The following DNAJA4 variants were observed in gnomAD, a reference collection of about 807,000 sequenced individuals.
DNAJA4 encodes dnaJ homolog subfamily A member 4.
In DNAJA4, 32 loss-of-function variants were observed where a neutral mutation model predicts 39.7. The observed-to-expected ratio is 0.81, with a 90% CI of 0.61 to 1.08. The LOEUF (loss-of-function observed/expected upper bound fraction) is 1.08, where lower values mean the gene tolerates loss of function less well. DNAJA4 is among the 50% of genes least tolerant of loss of function. The pLI is 0.00. For missense variants in DNAJA4, 439 were observed against 505.1 expected, an observed-to-expected ratio of 0.87 and a Z score of 1.25; for synonymous variants, 184 against 182.4, an observed-to-expected ratio of 1.01 and a Z score of -0.07.
In DNAJA4 at chr15:78,265,042, G is replaced by A. The variant is rs2141422051; in HGVS notation, c.132+147G>A. ...CGGGGCCAGGCCGGGCAGAGGTGGCGGGAGACCCTGGGCGCCGTGCGGCGC... is the reference window on the plus strand; with the variant it reads ...CGGGGCCAGGCCGGGCAGAGGTGGCAGGAGACCCTGGGCGCCGTGCGGCGC... On this transcript the variant is annotated intron_variant, in intron 1 of 6. Coordinates refer to ENST00000394852, the MANE Select transcript of DNAJA4 (RefSeq NM_001130182.2). The A allele has an allele frequency of 6.9e-6, 7 of 1,020,868 alleles. 1 individual carries two copies. The South Asian group carries it at 1.2e-4, about 18-fold the overall frequency. The allele number at this position is 1,020,868 out of a possible 1,614,324, so 63.2% of individuals were successfully genotyped here. A position where few individuals can be genotyped will look rare whatever the true frequency, so the allele number is the denominator to read the frequency against.
At position 78,279,952 on chromosome 15, in the gene DNAJA4, C is replaced by T; in HGVS notation, c.878-93C>T. ...GTTTCCTTTGCCCACTGCCACGGGG[C>T]ACTAGGGCCTGCCGCAGGCTCTCCC... On this transcript the variant is annotated intron_variant, in intron 5 of 6. Transcript: ENST00000394852. This position sits in a 1 kb window ranked among gnomAD's most constrained non-coding sequence, Gnocchi z 4.5. The T allele has an allele frequency of 1.6e-6, 2 of 1,215,642 alleles. No individual in the cohort carries two copies. Among genetic ancestry groups the T allele is most frequent in the Non-Finnish European group, 2.4e-6 (2 of 843,354 alleles). The allele number at this position is 1,215,642 out of a possible 1,614,324, so 75.3% of individuals were successfully genotyped here.
intron 5 of DNAJA4, chr15:78,278,308 G>A (rs779372893): frequency 2.2e-6 from 1 of 455,660 alleles, no homozygotes; most frequent in South Asian, 1.5e-5. Flanking sequence ...ACACCTGATA[G>A]GAATGGGGAG....
intron 1 of DNAJA4, among the ~76,000 whole-genome samples, chr15:78,266,995 T>A (rs2049139355): frequency 6.6e-6 from 1 of 152,152 alleles, no homozygotes; most frequent in Non-Finnish European, 1.5e-5. Flanking sequence ...ATGAGGAGAC[T>A]GGGGACACAA....
chr15:78,275,798 G>C, intron 5 of DNAJA4, 70 bp downstream of exon 5: 2 of 1,096,530 alleles, frequency 1.8e-6, no homozygotes, highest in Non-Finnish European at 2.6e-6. Flanking sequence ...AAGTTAGCCT[G>C]ATTTTTTTAT....
rs562490922 is a variant in DNAJA4 at position 78,268,929 on chromosome 15, T to G, written c.133-1568T>G. Among the ~76,000 whole-genome samples, 5 of 152,316 alleles carry G rather than the reference T, an allele frequency of 3.3e-5. No individual in the cohort carries two copies. The South Asian group carries it at 1.0e-3, about 32-fold the overall frequency. On this transcript the variant is annotated intron_variant, in intron 1 of 6. Coordinates refer to ENST00000394852, the MANE Select transcript of DNAJA4 (RefSeq NM_001130182.2). ...GGGCTGGGAGGGTCTGAGGTGGGTT[T>G]GCAGTGTTAAAGCTGGATCACCAGG...
chr15:78,276,845 G>A (rs1458319864), intron 5 of DNAJA4, among the ~76,000 whole-genome samples: 3 of 152,214 alleles, frequency 2.0e-5, no homozygotes, highest in Non-Finnish European at 1.5e-5. Context: ...CTGGTGGGGT[G>A]ACTGAGGCCT....
intron 5 of DNAJA4, among the ~76,000 whole-genome samples, chr15:78,275,942 C>A (rs573284331): frequency 6.6e-6 from 1 of 152,092 alleles, no homozygotes; most frequent in African/African-American, 2.4e-5. Context: ...GGGAATAGTT[C>A]CCCTGATTTC....
intron 5 of DNAJA4, among the ~76,000 whole-genome samples, chr15:78,277,141 G>C (rs200526863): frequency 1.3e-5 from 2 of 152,048 alleles, no homozygotes; most frequent in East Asian, 3.9e-4. Flanking sequence ...TACCCCATTT[G>C]GTTTGTCATT....
In DNAJA4 at chr15:78,280,552, T is replaced by C. The variant is rs1267387772; in HGVS notation, c.*92T>C. 1 of 1,125,576 alleles carries C rather than the reference T, an allele frequency of 8.9e-7. No individual in the cohort carries two copies. The allele number at this position is 1,125,576 out of a possible 1,614,324, so 69.7% of individuals were successfully genotyped here. A position where few individuals can be genotyped will look rare whatever the true frequency, so the allele number is the denominator to read the frequency against. ...ATGACATCGCTTTAATGGCCTTGTG[T>C]TTGGGATGTCCTGTGTATGTGTTCA... is the stretch of plus-strand genomic sequence containing the variant. On this transcript the variant is annotated 3_prime_UTR_variant, in exon 7 of 7. Coordinates refer to ENST00000394852, the MANE Select transcript of DNAJA4 (RefSeq NM_001130182.2).
chr15:78,276,757 T>C (rs577484132), intron 5 of DNAJA4, among the ~76,000 whole-genome samples: 1 of 152,208 alleles, frequency 6.6e-6, no homozygotes, highest in East Asian at 1.9e-4. Context: ...GCAAAAGGGG[T>C]AGGTTCAGGG....
chr15:78,271,029 C>A (rs572276964), intron 2 of DNAJA4, among the ~76,000 whole-genome samples: 1 of 151,386 alleles, frequency 6.6e-6, no homozygotes, highest in Non-Finnish European at 1.5e-5. Flanking sequence ...CCAGCCTGCA[C>A]GGCAGGGTGA....
intron 5 of DNAJA4, among the ~76,000 whole-genome samples, chr15:78,278,909 TCCGC>T (rs2049566075): frequency 6.8e-6 from 1 of 147,096 alleles, no homozygotes; most frequent in African/African-American, 2.5e-5. Context: ...GACCTCGTGA[TCCGC>T]CCGCCTCGGC....
rs2049258343 is a variant in DNAJA4, at chr15:78,270,282, C to T, written c.133-215C>T. 4 of 511,244 alleles carry T rather than the reference C, an allele frequency of 7.8e-6. No individual in the cohort carries two copies. The Admixed American group carries it at 1.0e-4, about 13-fold the overall frequency. 31.7% of individuals were successfully genotyped at this position (511,244 alleles called of 1,614,324 possible). ...CTCCCTTATTCTTATCGTGTCCCTACCACCAGTCCCTTAATATGTTTGCCC... is the reference window on the plus strand; with the variant it reads ...CTCCCTTATTCTTATCGTGTCCCTATCACCAGTCCCTTAATATGTTTGCCC... On this transcript the variant is annotated intron_variant, in intron 1 of 6. Coordinates refer to ENST00000394852, the MANE Select transcript of DNAJA4 (RefSeq NM_001130182.2).
Position 78,270,477 on chromosome 15 carries a change from T to C in DNAJA4, c.133-20T>C, listed in dbSNP as rs1018171614. 3.8e-6 allele frequency: 6 copies of C among 1,594,360 alleles called. No homozygotes were observed. Among genetic ancestry groups the C allele is most frequent in the Non-Finnish European group, 5.1e-6 (6 of 1,171,688 alleles). On this transcript the variant is annotated intron_variant, in intron 1 of 6. Coordinates refer to ENST00000394852, the MANE Select transcript of DNAJA4 (RefSeq NM_001130182.2). ...CAACTGAAACTTCTCTAAAAATCTC[T>C]CTCTCTCTCTCTTTTAAAGTTTAAA...
intron 1 of DNAJA4, among the ~76,000 whole-genome samples, chr15:78,265,101 C>T (rs1286425946): frequency 6.6e-6 from 1 of 152,216 alleles, no homozygotes; most frequent in Non-Finnish European, 1.5e-5. Context: ...GCGGAGGAGG[C>T]ATGTGGTGCG....
chr15:78,276,629 GC>G (rs2049467632), intron 5 of DNAJA4, among the ~76,000 whole-genome samples: 1 of 152,276 alleles, frequency 6.6e-6, no homozygotes, highest in Non-Finnish European at 1.5e-5. Context: ...GGGTGTGGTG[GC>G]GGCTACGCCA....
At chr15:78,271,578 G>A (rs1472944391) in intron 2 of DNAJA4, among the ~76,000 whole-genome samples, 1 of 152,152 alleles carries the variant, frequency 6.6e-6, no homozygotes, top group African/African-American at 2.4e-5. Flanking sequence ...ATGAGTAGTA[G>A]CAACTTCATC....
intron 1 of DNAJA4, among the ~76,000 whole-genome samples, chr15:78,267,863 C>T (rs2049186195): frequency 6.6e-6 from 1 of 152,094 alleles, no homozygotes; most frequent in South Asian, 2.1e-4. Flanking sequence ...TCTTCAAAGC[C>T]ATTTTCCCCT....
Position 78,280,714 on chromosome 15 carries a change from A to C in DNAJA4, c.*254A>C. The C allele has an allele frequency of 2.5e-6, 1 of 396,810 alleles. No individual in the cohort carries two copies. The allele number at this position is 396,810 out of a possible 1,614,324, so 24.6% of individuals were successfully genotyped here. On this transcript the variant is annotated 3_prime_UTR_variant, in exon 7 of 7. Transcript: ENST00000394852. ...GAATCTGTTCATTTCTATTTTCAGG[A>C]TATACTTTTGAGATGTCAGTGATTG... is the stretch of plus-strand genomic sequence containing the variant.
Sources: gnomAD v4.1 joint callset for allele counts (sites outside exome capture counted in the v4.1 genomes callset) on GRCh38, gnomAD v4.1.1 for gene constraint, Gnocchi (gnomAD v3.1) non-coding constraint, MANE v1.5 for transcripts, NCBI Gene and HGNC (gene_info 2026-07-23, HGNC 2026-07-21) for gene names.